The following CAMK2D variants were observed in gnomAD, a reference collection of about 807,000 sequenced individuals.
The protein encoded by CAMK2D is calcium/calmodulin-dependent protein kinase type II subunit delta.
Under a neutral mutation model 84.0 loss-of-function variants are expected in CAMK2D, and 37 were observed. The observed-to-expected ratio is 0.44, with a 90% confidence interval of 0.34 to 0.58. The LOEUF (loss-of-function observed/expected upper bound fraction) is 0.58, where lower values mean the gene tolerates loss of function less well. Ranked by LOEUF, CAMK2D falls within the 20% of genes least tolerant of loss-of-function variation. CAMK2D has a pLI of 0.02. For missense variants in CAMK2D, 448 were observed against 652.5 expected (o/e 0.69, Z 3.41); for synonymous variants, 202 against 212.5 (o/e 0.95, Z 0.43).
chr4:113,581,705 A>T (rs917257404), intron 4 of CAMK2D, among the ~76,000 whole-genome samples: 1 of 151,894 alleles, frequency 6.6e-6, no homozygotes, highest in African/African-American at 2.4e-5. Context: ...ACAGCCTTCT[A>T]CTCCTTCTAC....
intron 3 of CAMK2D, among the ~76,000 whole-genome samples, chr4:113,618,942 A>C (rs544104475): frequency 2.4e-4 from 36 of 152,342 alleles, no homozygotes; most frequent in African/African-American, 8.7e-4. Context: ...TTTCTAAAGT[A>C]AAGAATAATT....
At chr4:113,494,009 CT>C (rs1228698053) in intron 16 of CAMK2D, among the ~76,000 whole-genome samples, 1 of 152,106 alleles carries the variant, frequency 6.6e-6, no homozygotes, top group Admixed American at 6.6e-5. Context: ...CCTTTAAGCA[CT>C]TCTCTGTATT....
At chr4:113,746,844 A>G (rs930036928) in intron 2 of CAMK2D, among the ~76,000 whole-genome samples, 3 of 151,670 alleles carry the variant, frequency 2.0e-5, no homozygotes, top group Non-Finnish European at 4.4e-5. Flanking sequence ...TGAGGTCTGG[A>G]ATTAGGATTT....
rs555584508 is a variant in CAMK2D at position 113,761,036 on chromosome 4, C to A, written c.33G>T (p.Thr11=). ...GCTCCTCGAAAAGCTGATACTCGTC[C>A]GTGAACCTGGTGCAGGTTGTGGTCG... is the stretch of plus-strand genomic sequence containing the variant. MASTTTCTRF[T]DEYQLFEELG... is the part of the protein sequence containing the mutation. Residue 11 remains threonine, a synonymous_variant, in exon 1 of 21, where the codon ACG becomes ACT. Transcript: ENST00000511664. 4.6e-5 allele frequency: 74 copies of A among 1,614,190 alleles called. No individual in the cohort carries two copies. In the South Asian group the frequency reaches 6.1e-4, roughly 13 times the overall value.
At chr4:113,651,919 T>C (rs2099174695) in intron 3 of CAMK2D, among the ~76,000 whole-genome samples, 2 of 152,172 alleles carry the variant, frequency 1.3e-5, no homozygotes, top group Admixed American at 6.6e-5. Flanking sequence ...CTATAATACC[T>C]ATATTTTCCA....
intron 16 of CAMK2D, among the ~76,000 whole-genome samples, chr4:113,480,754 T>C (rs2154128495): frequency 6.6e-6 from 1 of 152,204 alleles, no homozygotes; most frequent in Middle Eastern, 3.4e-3. Flanking sequence ...GGCAGGATAA[T>C]TGCTTGAACC....
chr4:113,736,521 C>T (rs534915621), intron 2 of CAMK2D, among the ~76,000 whole-genome samples: 18 of 152,196 alleles, frequency 1.2e-4, no homozygotes, highest in African/African-American at 3.6e-4. Flanking sequence ...AAGGAAGAAG[C>T]GGATAATGCA....
intron 16 of CAMK2D, among the ~76,000 whole-genome samples, chr4:113,480,848 A>G (rs1403911988): frequency 6.6e-6 from 1 of 152,040 alleles, no homozygotes; most frequent in African/African-American, 2.4e-5. Context: ...TTCAAAAACA[A>G]AAAAAGGGCT....
intron 3 of CAMK2D, among the ~76,000 whole-genome samples, chr4:113,645,307 T>C (rs970372021): frequency 2.6e-5 from 4 of 152,188 alleles, no homozygotes; most frequent in Admixed American, 2.6e-4. Context: ...TGAGCCACCA[T>C]GCCCGGCCTG....
intron 3 of CAMK2D, among the ~76,000 whole-genome samples, chr4:113,644,963 C>T (rs1470646625): frequency 1.3e-5 from 2 of 152,122 alleles, no homozygotes; most frequent in Admixed American, 6.5e-5. Context: ...CAGCTCACCA[C>T]CTATTTTTGA....
At chr4:113,722,027 C>T (rs1038835308) in intron 2 of CAMK2D, among the ~76,000 whole-genome samples, 23 of 152,166 alleles carry the variant, frequency 1.5e-4, no homozygotes, top group Non-Finnish European at 2.6e-4. Flanking sequence ...TCACTTAGCA[C>T]GCCCATGTAT....
intron 2 of CAMK2D, among the ~76,000 whole-genome samples, chr4:113,669,991 A>G (rs936804762): frequency 6.6e-6 from 1 of 152,086 alleles, no homozygotes; most frequent in East Asian, 1.9e-4. Flanking sequence ...ACCATTTAAA[A>G]CTATTATGGC....
At chr4:113,640,552 A>T (rs1444518655) in intron 3 of CAMK2D, among the ~76,000 whole-genome samples, 1 of 152,212 alleles carries the variant, frequency 6.6e-6, no homozygotes, top group Non-Finnish European at 1.5e-5. Context: ...AACAAAACCT[A>T]ATCAGTATTG....
At chr4:113,523,609 C>A (rs1339377875) in intron 8 of CAMK2D, among the ~76,000 whole-genome samples, 1 of 151,750 alleles carries the variant, frequency 6.6e-6, no homozygotes, top group Non-Finnish European at 1.5e-5. Flanking sequence ...CCTGTCTCTA[C>A]AAAAAGTAAA....
At chr4:113,624,394 CA>C (rs1293545339) in intron 3 of CAMK2D, among the ~76,000 whole-genome samples, 2 of 151,872 alleles carry the variant, frequency 1.3e-5, no homozygotes, top group African/African-American at 4.8e-5. Context: ...TGCTAATTGG[CA>C]AAAAAATAGA....
At chr4:113,489,075 A>G (rs1286042497) in intron 16 of CAMK2D, among the ~76,000 whole-genome samples, 2 of 152,206 alleles carry the variant, frequency 1.3e-5, no homozygotes, top group Non-Finnish European at 2.9e-5. Context: ...CATCAGTCAT[A>G]TAAGTTACTA....
At chr4:113,636,809 C>T (rs552491365) in intron 3 of CAMK2D, among the ~76,000 whole-genome samples, 12 of 152,168 alleles carry the variant, frequency 7.9e-5, no homozygotes, top group Non-Finnish European at 1.6e-4. Context: ...AATACCATCA[C>T]ATTGGGGATT....
chr4:113,676,120 AC>A (rs1430588190), intron 2 of CAMK2D, among the ~76,000 whole-genome samples: 2 of 152,102 alleles, frequency 1.3e-5, no homozygotes, highest in Non-Finnish European at 1.5e-5. Context: ...CCACCATTCA[AC>A]CCACTTTATG....
chr4:113,502,893 A>G, intron 15 of CAMK2D, 43 bp downstream of exon 15: 1 of 1,330,522 alleles, frequency 7.5e-7, no homozygotes, highest in African/African-American at 1.4e-5. Context: ...GATGAGATGT[A>G]TAGTCTTGTT....
Sources: allele counts gnomAD v4.1 joint callset (sites outside exome capture counted in the v4.1 genomes callset), GRCh38; gene constraint gnomAD v4.1.1; transcripts MANE v1.5; gene names NCBI Gene and HGNC (gene_info 2026-07-23, HGNC 2026-07-21).